The following ARMC9 variants were observed in gnomAD, a reference collection of about 807,000 sequenced individuals.
ARMC9 encodes lisH domain-containing protein ARMC9.
A neutral mutation model predicts 107.0 loss-of-function variants in ARMC9; 94 were observed. The ratio of observed to expected loss-of-function variants is 0.88; its 90% CI spans 0.74 to 1.04. ARMC9 has a LOEUF of 1.04. ARMC9 is among the 50% of genes least tolerant of loss of function. ARMC9 has a pLI of 0.00. For missense variants in ARMC9, 942 were observed against 1,030.1 expected (o/e 0.91, Z 1.17); for synonymous variants, 380 against 396.9 (o/e 0.96, Z 0.51).
chr2:231,234,461 C>T (rs984023851), intron 7 of ARMC9, among the ~76,000 whole-genome samples: 7 of 152,130 alleles, frequency 4.6e-5, no homozygotes, highest in African/African-American at 1.7e-4. Flanking sequence ...TAGCAGGAGT[C>T]AAGCAGCCCA....
At chr2:231,243,090 C>CA (rs2036445186) in intron 9 of ARMC9, among the ~76,000 whole-genome samples, 1 of 151,850 alleles carries the variant, frequency 6.6e-6, no homozygotes, top group Admixed American at 6.6e-5. Flanking sequence ...ACTAAAAATA[C>CA]AAAAAAATTA....
chr2:231,285,645 C>CA (rs202061783), intron 17 of ARMC9, among the ~76,000 whole-genome samples: 44,936 of 140,456 alleles, frequency 0.32, 6,930 homozygotes, highest in South Asian at 0.43. Flanking sequence ...GACTCCGTCT[C>CA]AAAAAAAAAA....
Position 231,314,390 on chromosome 2 carries a change from G to A in ARMC9, c.1774-17403G>A, listed in dbSNP as rs150615033. On this transcript the variant is annotated intron_variant, in intron 19 of 24. Transcript: ENST00000611582. Reference sequence around the variant, plus strand: ...ACTGCGCCAGGTCATTTTCCTAATAGTGTCTTTTGATTTGTAAAAGTTTTT... The same window carrying A: ...ACTGCGCCAGGTCATTTTCCTAATAATGTCTTTTGATTTGTAAAAGTTTTT... Among the ~76,000 whole-genome samples, 4 of 152,268 alleles carry A rather than the reference G, an allele frequency of 2.6e-5. No individual in the cohort carries two copies. The East Asian group carries it at 5.8e-4, about 22-fold the overall frequency.
intron 19 of ARMC9, among the ~76,000 whole-genome samples, chr2:231,317,354 C>T (rs1018237515): frequency 1.3e-5 from 2 of 151,722 alleles, no homozygotes; most frequent in African/African-American, 4.8e-5. Flanking sequence ...TATTTTTAGT[C>T]GAGGCAGGGT....
chr2:231,350,642 GAA>G (rs2045025266), intron 21 of ARMC9, among the ~76,000 whole-genome samples: 8 of 149,756 alleles, frequency 5.3e-5, no homozygotes, highest in African/African-American at 2.0e-4. Flanking sequence ...AAAAGAAAAA[GAA>G]AAAGAAACTT....
At chr2:231,235,110 T>G in intron 7 of ARMC9, 114 bp from the exon 8 acceptor site, 1 of 1,172,614 alleles carries the variant, frequency 8.5e-7, no homozygotes, top group Non-Finnish European at 1.2e-6. Flanking sequence ...GTGTCCAGTT[T>G]ATTGTTACAA....
rs2125321386 is a variant in ARMC9, at chr2:231,214,973, A to G, written c.320A>G (p.Tyr107Cys). 8.7e-6 allele frequency: 14 copies of G among 1,613,998 alleles called. No homozygotes were observed. Among genetic ancestry groups the G allele is most frequent in the Non-Finnish European group, 1.1e-5 (13 of 1,180,002 alleles). Residue 107 changes from tyrosine (Y) to cysteine (C), a missense_variant, in exon 4 of 25, where the codon TAT (tyrosine) becomes TGT (cysteine). Tyr to Cys is a radical substitution (Grantham distance 194, BLOSUM62 -2). Coordinates refer to ENST00000611582, the MANE Select transcript of ARMC9 (RefSeq NM_001352754.2). The stretch of plus-strand genomic sequence containing the variant: ...TATCTCCACATCCATTTTGCCATCT[A>G]TCTTTTGAAGTACTCTGTGGGGAGA... The part of the protein sequence containing the change: ...EFYLHIHFAI[Y>C]LLKYSVGRPD...
intron 19 of ARMC9, among the ~76,000 whole-genome samples, chr2:231,330,297 G>A (rs530997949): frequency 4.7e-4 from 67 of 141,234 alleles, no homozygotes; most frequent in Middle Eastern, 8.5e-3. Context: ...GCGCAATTTC[G>A]TCTTCTAATT....
intron 19 of ARMC9, among the ~76,000 whole-genome samples, chr2:231,302,151 CAT>C (rs1284313064): frequency 6.6e-6 from 1 of 151,898 alleles, no homozygotes; most frequent in Non-Finnish European, 1.5e-5. Flanking sequence ...GAAAGAAAAA[CAT>C]ATATGTTTAT....
intron 2 of ARMC9, among the ~76,000 whole-genome samples, chr2:231,207,023 G>T (rs1313341938): frequency 1.3e-5 from 2 of 152,204 alleles, no homozygotes; most frequent in African/African-American, 2.4e-5. Context: ...AATCTTTTTA[G>T]AGACAAGGTC....
intron 19 of ARMC9, among the ~76,000 whole-genome samples, chr2:231,327,172 A>C (rs1330058077): frequency 6.6e-6 from 1 of 152,292 alleles, no homozygotes; most frequent in East Asian, 1.9e-4. Flanking sequence ...GGGGCAGTGC[A>C]CGCTCCCCCA....
At position 231,271,012 on chromosome 2, in the gene ARMC9, A is replaced by G; in HGVS notation, c.1150A>G (p.Ser384Gly). Reference protein sequence around the residue: ...RSVLQLLHSTSDVVRQYMARL... With the variant: ...RSVLQLLHSTGDVVRQYMARL... ...TGTGCTTCAGTTGCTGCACTCCACG[A>G]GCGACGTGGTGCGGCAGTACATGGC... is the stretch of plus-strand genomic sequence containing the variant. Residue 384 changes from serine to glycine, a missense_variant, in exon 13 of 25, where the codon AGC (serine) becomes GGC (glycine). Physicochemically the swap from Ser to Gly is moderately conservative, Grantham distance 56. Coordinates refer to ENST00000611582, the MANE Select transcript of ARMC9 (RefSeq NM_001352754.2). 6.2e-7 allele frequency: 1 copy of G among 1,614,192 alleles called. No homozygotes were observed. Among genetic ancestry groups the G allele is most frequent in the Non-Finnish European group, 8.5e-7 (1 of 1,180,042 alleles).
At chr2:231,367,618 T>C (rs2045868758) in intron 23 of ARMC9, among the ~76,000 whole-genome samples, 1 of 152,194 alleles carries the variant, frequency 6.6e-6, no homozygotes, top group African/African-American at 2.4e-5. Flanking sequence ...TGTTCCTTCT[T>C]AAAATATGGC....
chr2:231,235,743 A>G (rs2035652821), intron 8 of ARMC9, among the ~76,000 whole-genome samples: 1 of 152,096 alleles, frequency 6.6e-6, no homozygotes, highest in African/African-American at 2.4e-5. Flanking sequence ...CCCAGATTCA[A>G]GTGATTCTCC....
chr2:231,243,108 A>G (rs1306266632), intron 9 of ARMC9, among the ~76,000 whole-genome samples: 2 of 152,162 alleles, frequency 1.3e-5, no homozygotes, highest in Admixed American at 1.3e-4. Flanking sequence ...TTAGCTGGGC[A>G]TGGTTGCGGG....
chr2:231,320,237 G>A (rs2042923184), intron 19 of ARMC9, among the ~76,000 whole-genome samples: 2 of 152,136 alleles, frequency 1.3e-5, no homozygotes, highest in Admixed American at 1.3e-4. Context: ...ATATGCCCTT[G>A]AGTGCTTCTC....
At chr2:231,213,177 T>TG (rs2033099718) in intron 3 of ARMC9, among the ~76,000 whole-genome samples, 1 of 151,852 alleles carries the variant, frequency 6.6e-6, no homozygotes, top group African/African-American at 2.4e-5. Context: ...TTTTTTTTTT[T>TG]TTCTGAGACA....
chr2:231,304,283 T>C (rs13031897), intron 19 of ARMC9, among the ~76,000 whole-genome samples: 1 of 152,228 alleles, frequency 6.6e-6, no homozygotes, highest in African/African-American at 2.4e-5. Context: ...CAATTTCTAC[T>C]GGCATCCTGC....
At chr2:231,256,070 C>T (rs41265105) in intron 9 of ARMC9, 99,969 of 1,536,560 alleles carry the variant, frequency 0.065, 8,928 homozygotes, top group African/African-American at 0.41. Flanking sequence ...AACCGCCTCT[C>T]CGCCAGACCG....
Sources: gnomAD v4.1 joint callset for allele counts (sites outside exome capture counted in the v4.1 genomes callset) on GRCh38, gnomAD v4.1.1 for gene constraint, MANE v1.5 for transcripts, NCBI Gene and HGNC (gene_info 2026-07-23, HGNC 2026-07-21) for gene names.